The following CPNE4 variants were observed in gnomAD, a reference collection of about 807,000 sequenced individuals.
CPNE4 encodes copine 4, also known as copine-4.
A neutral mutation model predicts 67.9 loss-of-function variants in CPNE4; 25 were observed. The observed-to-expected ratio is 0.37, with a 90% CI of 0.27 to 0.51. The LOEUF (loss-of-function observed/expected upper bound fraction) is 0.51, where lower values mean the gene tolerates loss of function less well. CPNE4 is among the 20% of genes least tolerant of loss of function. The pLI, the probability that CPNE4 is intolerant of heterozygous loss-of-function variation, is 0.93. For synonymous variants in CPNE4, 242 were observed against 244.9 expected (o/e 0.99, Z 0.11); for missense variants, 464 against 690.8 (o/e 0.67, Z 3.68).
intron 1 of CPNE4, among the ~76,000 whole-genome samples, chr3:131,929,197 A>G (rs1023672641): frequency 3.8e-4 from 5 of 13,152 alleles, no homozygotes; most frequent in Non-Finnish European, 7.0e-4. Flanking sequence ...TGTCCTCACC[A>G]AAAAAAAAAA....
intron 2 of CPNE4, among the ~76,000 whole-genome samples, chr3:131,856,052 T>G (rs1049969178): frequency 5.9e-5 from 9 of 151,902 alleles, no homozygotes; most frequent in Middle Eastern, 3.2e-3. Flanking sequence ...TTTTCCAAGA[T>G]TCTCAGTATT....
chr3:131,709,578 T>A (rs1260958901), intron 3 of CPNE4, among the ~76,000 whole-genome samples: 1 of 152,240 alleles, frequency 6.6e-6, no homozygotes, highest in Non-Finnish European at 1.5e-5. Flanking sequence ...GACCAAAGCA[T>A]GGAACTGTTT....
At chr3:131,860,807 G>C (rs2086647664) in intron 2 of CPNE4, among the ~76,000 whole-genome samples, 1 of 152,174 alleles carries the variant, frequency 6.6e-6, no homozygotes, top group African/African-American at 2.4e-5. Flanking sequence ...GTAAACCACA[G>C]TTTTAGTACA....
chr3:131,905,890 T>C (rs1043045244), intron 1 of CPNE4, among the ~76,000 whole-genome samples: 60 of 152,304 alleles, frequency 3.9e-4, no homozygotes, highest in African/African-American at 1.4e-3. Context: ...TGGAGAAGTA[T>C]ATTGTTCTTT....
intron 2 of CPNE4, 140 bp downstream of exon 2, chr3:131,905,124 A>T (rs2088694712): frequency 2.5e-6 from 2 of 788,168 alleles, no homozygotes; most frequent in Admixed American, 2.5e-5. Flanking sequence ...ACATCAAAAC[A>T]TCATGATAGA....
intron 2 of CPNE4, among the ~76,000 whole-genome samples, chr3:131,832,575 G>T (rs548450726): frequency 6.6e-6 from 1 of 152,256 alleles, no homozygotes; most frequent in South Asian, 2.1e-4. Context: ...ACTTACTTGG[G>T]ATCCATTATT....
chr3:131,961,455 A>G (rs528883322), intron 1 of CPNE4, among the ~76,000 whole-genome samples: 11 of 152,284 alleles, frequency 7.2e-5, no homozygotes, highest in South Asian at 2.1e-4. Context: ...ACAAATAAGC[A>G]TCATCATAAA....
At chr3:131,642,828 TGA>T (rs1028569819) in intron 7 of CPNE4, among the ~76,000 whole-genome samples, 2 of 152,196 alleles carry the variant, frequency 1.3e-5, no homozygotes, top group African/African-American at 4.8e-5. Context: ...TGCAGAACTG[TGA>T]GTCAATTAAA....
intron 1 of CPNE4, among the ~76,000 whole-genome samples, chr3:131,972,715 C>A (rs1045839911): frequency 1.3e-5 from 2 of 152,108 alleles, no homozygotes; most frequent in African/African-American, 2.4e-5. Flanking sequence ...CTGAACTGGG[C>A]CAGAAGTGAT....
intron 1 of CPNE4, among the ~76,000 whole-genome samples, chr3:132,031,311 G>A (rs1560817193): frequency 6.6e-6 from 1 of 152,130 alleles, no homozygotes; most frequent in Non-Finnish European, 1.5e-5. Context: ...TTACTGAATG[G>A]ATCTGCAAAG....
chr3:131,763,402 A>T (rs755600094), intron 2 of CPNE4, among the ~76,000 whole-genome samples: 16 of 152,084 alleles, frequency 1.1e-4, no homozygotes, highest in Non-Finnish European at 2.1e-4. Flanking sequence ...CAAATCTTCC[A>T]TGTGTTTCTG....
intron 2 of CPNE4, among the ~76,000 whole-genome samples, chr3:131,770,757 GT>G (rs2083146383): frequency 6.6e-6 from 1 of 152,158 alleles, no homozygotes; most frequent in Non-Finnish European, 1.5e-5. Context: ...TTATACTGTG[GT>G]TTTGCCACCA....
chr3:132,023,914 A>T (rs2074059701), intron 1 of CPNE4, among the ~76,000 whole-genome samples: 1 of 152,180 alleles, frequency 6.6e-6, no homozygotes, highest in Non-Finnish European at 1.5e-5. Context: ...TGGCTACAAA[A>T]ATCATCAAAA....
At chr3:132,002,837 C>T (rs935318290) in intron 1 of CPNE4, among the ~76,000 whole-genome samples, 7 of 152,054 alleles carry the variant, frequency 4.6e-5, no homozygotes, top group Admixed American at 6.6e-5. Flanking sequence ...AAAAGCCAAA[C>T]TTTGCCAAGC....
intron 2 of CPNE4, among the ~76,000 whole-genome samples, chr3:131,875,703 G>GA (rs2087417392): frequency 3.0e-5 from 4 of 133,242 alleles, no homozygotes; most frequent in African/African-American, 1.1e-4. Context: ...AGGGGGGAGG[G>GA]ATAGCATTAG....
chr3:131,714,268 A>G (rs982090891), intron 3 of CPNE4, among the ~76,000 whole-genome samples: 1 of 152,142 alleles, frequency 6.6e-6, no homozygotes, highest in African/African-American at 2.4e-5. Flanking sequence ...ATTGATCAAT[A>G]GCTTGTGGTC....
At position 131,956,160 on chromosome 3, in the gene CPNE4, A is replaced by G. The variant is rs2071964047; in HGVS notation, c.-1-50716T>C. Among the ~76,000 whole-genome samples the G allele has an allele frequency of 3.3e-5, 5 of 152,188 alleles. 1 individual carries two copies. Among genetic ancestry groups the G allele is most frequent in the Admixed American group, 3.3e-4 (5 of 15,274 alleles). ...TTATTCATTTATGGTCTTAAATAAG[A>G]TCAGTCATTAGAATTATTTTACTGT... is the stretch of plus-strand genomic sequence containing the variant. On this transcript the variant is annotated intron_variant, in intron 1 of 15. Transcript: ENST00000429747.
At chr3:131,648,831 C>T (rs1402626883) in intron 7 of CPNE4, among the ~76,000 whole-genome samples, 1 of 152,078 alleles carries the variant, frequency 6.6e-6, no homozygotes, top group Non-Finnish European at 1.5e-5. Context: ...AAATGAGGCC[C>T]AGGGAGGGTG....
At chr3:131,721,884 T>C (rs187481437) in intron 3 of CPNE4, among the ~76,000 whole-genome samples, 59 of 152,330 alleles carry the variant, frequency 3.9e-4, no homozygotes, top group African/African-American at 1.4e-3. Context: ...TTAGTGGACA[T>C]TGTACCTGGC....
Sources: gnomAD v4.1 joint callset for allele counts (sites outside exome capture counted in the v4.1 genomes callset) on GRCh38, gnomAD v4.1.1 for gene constraint, MANE v1.5 for transcripts, NCBI Gene and HGNC (gene_info 2026-07-23, HGNC 2026-07-21) for gene names.